The following DIP2C variants were observed in gnomAD, a reference collection of about 807,000 sequenced individuals.
DIP2C encodes disco-interacting protein 2 homolog C.
In DIP2C, 33 loss-of-function variants were observed where a neutral mutation model predicts 192.4. The observed-to-expected ratio is 0.17, with a 90% CI of 0.13 to 0.23. The LOEUF (loss-of-function observed/expected upper bound fraction) is 0.23. Among genes scored for constraint, DIP2C ranks in the 10% least tolerant of loss-of-function variants. The pLI is 1.00. For synonymous variants in DIP2C, 979 were observed against 864.1 expected, an observed-to-expected ratio of 1.13 and a Z score of -2.33; for missense variants, 1,537 against 2,110.1, an observed-to-expected ratio of 0.73 and a Z score of 5.32.
intron 3 of DIP2C, among the ~76,000 whole-genome samples, chr10:450,315 T>C (rs913002542): frequency 1.3e-5 from 2 of 152,106 alleles, no homozygotes; most frequent in Admixed American, 1.3e-4. Context: ...ACAAGAGAGG[T>C]CCCACGTAGA....
At chr10:488,293 C>G (rs1466628941) in intron 1 of DIP2C, among the ~76,000 whole-genome samples, 1 of 152,218 alleles carries the variant, frequency 6.6e-6, no homozygotes, top group Non-Finnish European at 1.5e-5. Flanking sequence ...ACGCTCTGTG[C>G]TCACGGCCTG....
intron 4 of DIP2C, among the ~76,000 whole-genome samples, chr10:429,550 G>A (rs1418868281): frequency 8.1e-6 from 1 of 124,044 alleles, no homozygotes; most frequent in Non-Finnish European, 1.6e-5. Flanking sequence ...GACCCTGGCT[G>A]CCTCCCCCTG....
chr10:466,535 A>T lies in DIP2C; in HGVS notation c.268+5904T>A, dbSNP rs527910808. Among the ~76,000 whole-genome samples, 94 of 135,630 alleles carry T rather than the reference A, an allele frequency of 6.9e-4. 1 individual carries two copies. Among genetic ancestry groups the T allele is most frequent in the African/African-American group, 2.3e-3 (88 of 38,432 alleles). 89.0% of individuals were successfully genotyped at this position (135,630 alleles called of 152,430 possible). A position where few individuals can be genotyped will look rare whatever the true frequency, so the allele number is the denominator to read the frequency against. ...AATGGCAACAAAAGACAAAATTGAC[A>T]AATGGGATCTGATTAAACTAAAGAG... On this transcript the variant is annotated intron_variant, in intron 3 of 36. Coordinates refer to ENST00000280886, the MANE Select transcript of DIP2C (RefSeq NM_014974.3).
intron 24 of DIP2C, among the ~76,000 whole-genome samples, chr10:354,037 C>G (rs988385455): frequency 6.6e-6 from 1 of 152,206 alleles, no homozygotes; most frequent in East Asian, 1.9e-4. Context: ...TACGAGGCAG[C>G]AGAGGAGCGA....
chr10:553,587 CTT>C (rs1222290183), intron 1 of DIP2C, among the ~76,000 whole-genome samples: 1 of 152,242 alleles, frequency 6.6e-6, no homozygotes, highest in African/African-American at 2.4e-5. Flanking sequence ...ACAAGTATCT[CTT>C]GAGTATGTGC....
At chr10:545,825 G>A (rs1019535531) in intron 1 of DIP2C, among the ~76,000 whole-genome samples, 5 of 151,996 alleles carry the variant, frequency 3.3e-5, no homozygotes, top group South Asian at 2.1e-4. Flanking sequence ...ACTAAGTTGC[G>A]AAAGGAAAAA....
intron 9 of DIP2C, among the ~76,000 whole-genome samples, chr10:404,409 C>T (rs1964660217): frequency 6.6e-6 from 1 of 152,168 alleles, no homozygotes; most frequent in African/African-American, 2.4e-5. Flanking sequence ...CAGGGTTTCA[C>T]CATGTTGGCC....
intron 1 of DIP2C, among the ~76,000 whole-genome samples, chr10:552,385 C>A (rs574442055): frequency 6.6e-6 from 1 of 152,116 alleles, no homozygotes; most frequent in Non-Finnish European, 1.5e-5. Flanking sequence ...GAAGTCCCTG[C>A]CAAGTAAAAG....
chr10:597,609 A>G (rs1181268333), intron 1 of DIP2C, among the ~76,000 whole-genome samples: 1 of 152,204 alleles, frequency 6.6e-6, no homozygotes, highest in Non-Finnish European at 1.5e-5. Flanking sequence ...CAAAAATGAG[A>G]ACAGTAAAGA....
chr10:575,001 GA>G (rs999342809), intron 1 of DIP2C, among the ~76,000 whole-genome samples: 1 of 152,168 alleles, frequency 6.6e-6, no homozygotes, highest in African/African-American at 2.4e-5. Context: ...GCAGAGGGAA[GA>G]CCCACGAAAG....
At chr10:306,762 T>C (rs1193625036) in intron 32 of DIP2C, among the ~76,000 whole-genome samples, 1 of 152,222 alleles carries the variant, frequency 6.6e-6, no homozygotes, top group South Asian at 2.1e-4. Context: ...TCTGTCACCA[T>C]CCAGCTGCCG....
chr10:294,769 CTGAA>C (rs761904296), intron 32 of DIP2C, among the ~76,000 whole-genome samples: 1 of 151,916 alleles, frequency 6.6e-6, no homozygotes, highest in African/African-American at 2.4e-5. Flanking sequence ...AAAATACTTA[CTGAA>C]TAAGACCTCA....
chr10:388,229 T>G (rs1025420411), intron 13 of DIP2C, among the ~76,000 whole-genome samples: 1 of 152,186 alleles, frequency 6.6e-6, no homozygotes, highest in Non-Finnish European at 1.5e-5. Flanking sequence ...ACAGCTCTAC[T>G]GCAAGTCTCC....
At chr10:387,843 T>G (rs1963106037) in intron 13 of DIP2C, 34 bp from the exon 14 acceptor site, 5 of 1,610,362 alleles carry the variant, frequency 3.1e-6, no homozygotes, top group Non-Finnish European at 4.2e-6. Context: ...GATTTTTACT[T>G]AGGACAGGGC....
chr10:289,778 C>A (rs762226823), intron 32 of DIP2C, among the ~76,000 whole-genome samples: 3 of 152,168 alleles, frequency 2.0e-5, no homozygotes, highest in Non-Finnish European at 4.4e-5. Context: ...AGGGTGCGCA[C>A]CCCTCTGGGA....
At chr10:406,729 A>AT (rs761741236) in intron 9 of DIP2C, among the ~76,000 whole-genome samples, 3 of 152,108 alleles carry the variant, frequency 2.0e-5, no homozygotes, top group African/African-American at 4.8e-5. Context: ...AAGATTAGAA[A>AT]TTACTGCATG....
chr10:629,162 G>A (rs1172298149), intron 1 of DIP2C, among the ~76,000 whole-genome samples: 2 of 152,198 alleles, frequency 1.3e-5, no homozygotes, highest in East Asian at 3.9e-4. Context: ...ACAGACGGAA[G>A]GAACTGGCGG....
chr10:551,927 A>AC (rs1428719853), intron 1 of DIP2C, among the ~76,000 whole-genome samples: 1 of 152,118 alleles, frequency 6.6e-6, no homozygotes, highest in Non-Finnish European at 1.5e-5. Flanking sequence ...CACCCAGGAC[A>AC]CCCCTGCCAG....
intron 1 of DIP2C, among the ~76,000 whole-genome samples, chr10:522,705 T>C (rs1846789498): frequency 6.6e-6 from 1 of 152,276 alleles, no homozygotes. Context: ...AGGTCTTTGG[T>C]CCATTTTTTC....
Sources: gnomAD v4.1 joint callset for allele counts (sites outside exome capture counted in the v4.1 genomes callset) on GRCh38, gnomAD v4.1.1 for gene constraint, MANE v1.5 for transcripts, NCBI Gene and HGNC (gene_info 2026-07-23, HGNC 2026-07-21) for gene names.